The following NTM variants were observed in gnomAD, a reference collection of about 807,000 sequenced individuals.
NTM encodes the protein IgLON family member 2.
Under a neutral mutation model 42.1 loss-of-function variants are expected in NTM, and 13 were observed. The ratio of observed to expected loss-of-function variants is 0.31; its 90% CI spans 0.20 to 0.49. The LOEUF is 0.49. Ranked by LOEUF, NTM falls within the 20% of genes least tolerant of loss-of-function variation. NTM has a pLI of 0.99. For missense variants in NTM, 373 were observed against 452.8 expected, an observed-to-expected ratio of 0.82 and a Z score of 1.60; for synonymous variants, 187 against 179.2, an observed-to-expected ratio of 1.04 and a Z score of -0.35.
At chr11:131,606,668 C>T (rs11222715) in intron 1 of NTM, among the ~76,000 whole-genome samples, 64,603 of 152,104 alleles carry the variant, frequency 0.42, 15,958 homozygotes, top group East Asian at 0.61. Flanking sequence ...GGTGGGCACA[C>T]TCACACCCCA....
chr11:131,583,315 A>G (rs1474712496), intron 1 of NTM, among the ~76,000 whole-genome samples: 4 of 152,100 alleles, frequency 2.6e-5, no homozygotes, highest in Admixed American at 1.3e-4. Flanking sequence ...CACCTCCCCA[A>G]TATACTGCAC....
In NTM at chr11:131,874,030, A is replaced by ATATATATATATATAT. The variant is rs1555162935; in HGVS notation, c.83-37534_83-37533insTATATATATATATAT. Reference sequence around the variant, plus strand: ...ATAATATATTTATATAATATAATATAATATATATATATATATATATATATA... The same window carrying ATATATATATATATAT: ...ATAATATATTTATATAATATAATATATATATATATATATATATATATATATATATATATATATATA... On this transcript the variant is annotated intron_variant, in intron 1 of 8. Coordinates refer to ENST00000683400, the MANE Select transcript of NTM (RefSeq NM_001352005.2). Among the ~76,000 whole-genome samples the ATATATATATATATAT allele has an allele frequency of 5.2e-3, 396 of 76,562 alleles. 28 individuals carry two copies. Among genetic ancestry groups the ATATATATATATATAT allele is most frequent in the Non-Finnish European group, 8.3e-3 (283 of 34,114 alleles). The allele number at this position is 76,562 out of a possible 152,430, so 50.2% of individuals were successfully genotyped here. A position where few individuals can be genotyped will look rare whatever the true frequency, so the allele number is the denominator to read the frequency against.
intron 1 of NTM, among the ~76,000 whole-genome samples, chr11:131,405,816 T>A (rs1161825619): frequency 1.3e-5 from 2 of 152,316 alleles, no homozygotes; most frequent in African/African-American, 4.8e-5. Flanking sequence ...TCTTCCTCAG[T>A]GAGTATGCTC....
intron 2 of NTM, among the ~76,000 whole-genome samples, chr11:132,095,792 T>G (rs772803807): frequency 7.2e-5 from 11 of 152,130 alleles, no homozygotes; most frequent in Non-Finnish European, 1.3e-4. Context: ...GGGAGGAAAC[T>G]CCATTAACCT....
chr11:131,415,292 T>C (rs1288612226), intron 1 of NTM, among the ~76,000 whole-genome samples: 5 of 152,148 alleles, frequency 3.3e-5, no homozygotes, highest in Non-Finnish European at 7.4e-5. Context: ...TGGAAGAAAC[T>C]GGGTCGGCCT....
intron 2 of NTM, among the ~76,000 whole-genome samples, chr11:132,021,448 A>T (rs938474036): frequency 1.2e-4 from 18 of 152,122 alleles, no homozygotes; most frequent in African/African-American, 4.3e-4. Flanking sequence ...TGCATATCTC[A>T]TACTTTTTTT....
At chr11:131,725,326 T>C (rs922879604) in intron 1 of NTM, among the ~76,000 whole-genome samples, 1 of 152,144 alleles carries the variant, frequency 6.6e-6, no homozygotes, top group African/African-American at 2.4e-5. Context: ...TCTAGCACAG[T>C]GAGACAGGCA....
intron 2 of NTM, among the ~76,000 whole-genome samples, chr11:132,088,519 A>G (rs117115278): frequency 8.7e-4 from 132 of 152,258 alleles, no homozygotes; most frequent in Non-Finnish European, 1.6e-3. Flanking sequence ...GTCAACAAAA[A>G]AAGGGGTCCT....
chr11:131,663,438 T>A (rs2068452035), intron 1 of NTM: 1 of 152,354 alleles, frequency 6.6e-6, no homozygotes, highest in African/African-American at 2.4e-5. Context: ...CCAGCATTGA[T>A]CTCTCTCACT....
chr11:131,751,171 C>T (rs970846165), intron 1 of NTM, among the ~76,000 whole-genome samples: 1 of 152,156 alleles, frequency 6.6e-6, no homozygotes, highest in Admixed American at 6.5e-5. Flanking sequence ...CAAGGTGGCT[C>T]ACACTTGTAA....
At chr11:132,145,986 T>A (rs1329418069) in intron 2 of NTM, among the ~76,000 whole-genome samples, 1 of 152,202 alleles carries the variant, frequency 6.6e-6, no homozygotes, top group Non-Finnish European at 1.5e-5. Context: ...ACTGGTAGTA[T>A]TCGAAGTATC....
At chr11:131,794,537 C>A in intron 1 of NTM, 1 of 985,248 alleles carries the variant, frequency 1.0e-6, no homozygotes, top group African/African-American at 1.7e-5. Context: ...CTCCTTGCTG[C>A]TTTTTACCTA....
chr11:131,634,960 T>G (rs996662256), intron 1 of NTM, among the ~76,000 whole-genome samples: 4 of 152,230 alleles, frequency 2.6e-5, no homozygotes, highest in African/African-American at 9.6e-5. Flanking sequence ...CATTCACATA[T>G]GCATATTCTT....
intron 1 of NTM, among the ~76,000 whole-genome samples, chr11:131,424,600 C>CTTTTCT (rs1555108116): frequency 1.8e-4 from 10 of 56,038 alleles, no homozygotes; most frequent in African/African-American, 6.5e-4. Context: ...CTTTTCTTTT[C>CTTTTCT]TTTTTTTTTT....
chr11:132,267,215 G>A lies in NTM; in HGVS notation c.527-40474G>A, dbSNP rs1228786650. Among the ~76,000 whole-genome samples the A allele has an allele frequency of 3.3e-5, 5 of 152,278 alleles. No homozygotes were observed. The East Asian group carries it at 9.6e-4, about 29-fold the overall frequency. On this transcript the variant is annotated intron_variant, in intron 4 of 8. Transcript: ENST00000683400. ...ATTCAGTAGATGAAAGACTAGAAGT[G>A]CAGTCCAGGAGCATAAAATCAATTA...
In NTM at chr11:131,562,522, C is replaced by T. The variant is rs149689331; in HGVS notation, c.82+191634C>T. Among the ~76,000 whole-genome samples, 1,033 of 152,136 alleles carry T rather than the reference C, an allele frequency of 6.8e-3. 10 individuals carry two copies. Among genetic ancestry groups the T allele is most frequent in the African/African-American group, 0.024 (981 of 41,506 alleles). ...CACTGCTCTCCTGCAAACAGCCTTC[C>T]CCACCAAATTCCCAAGGAGGCCCGG... On this transcript the variant is annotated intron_variant, in intron 1 of 8. Transcript: ENST00000683400.
At chr11:131,822,643 G>T (rs531891733) in intron 1 of NTM, among the ~76,000 whole-genome samples, 1 of 152,138 alleles carries the variant, frequency 6.6e-6, no homozygotes, top group African/African-American at 2.4e-5. Flanking sequence ...CCAACAAGTC[G>T]TTTTTCATGG....
intron 4 of NTM, among the ~76,000 whole-genome samples, chr11:132,285,990 C>T (rs2094215029): frequency 6.6e-6 from 1 of 152,166 alleles, no homozygotes; most frequent in South Asian, 2.1e-4. Flanking sequence ...CAGTGGGCAC[C>T]TGCAAACTAA....
At chr11:131,791,426 T>C (rs2090919939) in intron 1 of NTM, among the ~76,000 whole-genome samples, 1 of 152,242 alleles carries the variant, frequency 6.6e-6, no homozygotes. Context: ...AAGTAATACA[T>C]ACATCAATAT....
Sources: gnomAD v4.1 joint callset for allele counts (sites outside exome capture counted in the v4.1 genomes callset) on GRCh38, gnomAD v4.1.1 for gene constraint, MANE v1.5 for transcripts, NCBI Gene and HGNC (gene_info 2026-07-23, HGNC 2026-07-21) for gene names.